CUX1: variants seen among roughly 807,000 people sequenced by gnomAD.
CUX1 encodes the protein protein CASP.
A neutral mutation model predicts 158.8 loss-of-function variants in CUX1; 31 were observed. The ratio of observed to expected loss-of-function variants is 0.20; its 90% confidence interval spans 0.15 to 0.26. CUX1 has a LOEUF of 0.26. CUX1 is among the 10% of genes least tolerant of loss of function. The pLI, the probability that CUX1 is intolerant of heterozygous loss-of-function variation, is 1.00. For synonymous variants in CUX1, 879 were observed against 862.1 expected, an observed-to-expected ratio of 1.02 and a Z score of -0.34; for missense variants, 1,589 against 2,014.6, an observed-to-expected ratio of 0.79 and a Z score of 4.04.
rs543518803 is a variant in CUX1 at position 102,270,530 on chromosome 7, A to G, written c.1256-2836A>G. Among the ~76,000 whole-genome samples, 9 of 152,262 alleles carry G rather than the reference A, an allele frequency of 5.9e-5. No homozygotes were observed. In the South Asian group the frequency reaches 1.9e-3, roughly 32 times the overall value. On this transcript the variant is annotated intron_variant, in intron 14 of 22. Coordinates refer to the CUX1 transcript ENST00000292538. ...CTTCCCTCCAGTCTCACCGTCTGCC[A>G]GCCTCTGCTGCCCTGTCTTACCCAG...
At chr7:102,078,125 A>C (rs782019313) in intron 4 of CUX1, among the ~76,000 whole-genome samples, 2 of 152,060 alleles carry the variant, frequency 1.3e-5, no homozygotes, top group African/African-American at 2.4e-5. Flanking sequence ...CTGTTGCCCA[A>C]CCTGGAGTGC....
chr7:102,081,416 G>A (rs1827392119), intron 4 of CUX1, among the ~76,000 whole-genome samples: 1 of 146,214 alleles, frequency 6.8e-6, no homozygotes, highest in African/African-American at 2.4e-5. Context: ...GTTTCCCCGT[G>A]GCTGTTTTCA....
At chr7:102,132,082 A>T (rs1349194446) in intron 8 of CUX1, among the ~76,000 whole-genome samples, 1 of 151,924 alleles carries the variant, frequency 6.6e-6, no homozygotes, top group African/African-American at 2.4e-5. Flanking sequence ...TTTTTTAAGC[A>T]TGATGCCAAA....
At chr7:102,230,557 C>T (rs1554530325) in intron 21 of CUX1, among the ~76,000 whole-genome samples, 1 of 151,010 alleles carries the variant, frequency 6.6e-6, no homozygotes, top group East Asian at 1.9e-4. Context: ...AGTGATCTAA[C>T]AGCCTGGAGG....
At chr7:101,983,173 G>A (rs1429291951) in intron 2 of CUX1, among the ~76,000 whole-genome samples, 1 of 152,178 alleles carries the variant, frequency 6.6e-6, no homozygotes, top group African/African-American at 2.4e-5. Flanking sequence ...AAAAGAAAAA[G>A]TTCTGCTGGG....
At chr7:102,016,450 A>C (rs1818599253) in intron 2 of CUX1, among the ~76,000 whole-genome samples, 1 of 152,226 alleles carries the variant, frequency 6.6e-6, no homozygotes, top group South Asian at 2.1e-4. Flanking sequence ...TAGCCACTCA[A>C]CAAACATCTG....
intron 20 of CUX1, among the ~76,000 whole-genome samples, chr7:102,216,885 TCACA>T (rs35680063): frequency 0.6 from 89,357 of 149,348 alleles, 26,939 homozygotes; most frequent in East Asian, 0.94. Flanking sequence ...ACACATTATC[TCACA>T]CACACACACA....
intron 2 of CUX1, among the ~76,000 whole-genome samples, chr7:101,988,241 G>C (rs539245364): frequency 5.3e-5 from 8 of 151,590 alleles, no homozygotes; most frequent in South Asian, 4.2e-4. Context: ...GCTGTTCTCC[G>C]TGAGTCAGCC....
intron 2 of CUX1, among the ~76,000 whole-genome samples, chr7:102,008,452 T>A (rs1247490902): frequency 6.6e-6 from 1 of 152,166 alleles, no homozygotes; most frequent in African/African-American, 2.4e-5. Context: ...GCCCCCGTTG[T>A]AGGCTAGCTG....
chr7:102,259,024 G>T (rs147669119), downstream of CUX1, among the ~76,000 whole-genome samples: 767 of 152,298 alleles, frequency 5.0e-3, 4 homozygotes, highest in Non-Finnish European at 7.0e-3. Context: ...ACGTGTGTCT[G>T]GTGGAAGTGG....
At chr7:102,239,094 C>A (rs1217998061) in intron 22 of CUX1, among the ~76,000 whole-genome samples, 1 of 152,126 alleles carries the variant, frequency 6.6e-6, no homozygotes, top group Non-Finnish European at 1.5e-5. Flanking sequence ...ACCATATTGG[C>A]CAGGCTGGTC....
At chr7:101,933,901 T>G (rs184587255) in intron 2 of CUX1, among the ~76,000 whole-genome samples, 5 of 152,338 alleles carry the variant, frequency 3.3e-5, no homozygotes, top group African/African-American at 1.2e-4. Flanking sequence ...AAAAAAAAAG[T>G]TCTTTCTGTT....
chr7:102,047,400 G>A (rs1426542782), intron 3 of CUX1, among the ~76,000 whole-genome samples: 4 of 150,942 alleles, frequency 2.7e-5, no homozygotes, highest in African/African-American at 9.7e-5. Context: ...TGGATGGATA[G>A]ATGATTGGAT....
At position 102,256,873 on chromosome 7, in the gene CUX1, G is replaced by A. The variant is rs571414655; in HGVS notation, c.*7831G>A. On this transcript the variant is annotated 3_prime_UTR_variant, in exon 24 of 24. Coordinates refer to ENST00000292535, the MANE Select transcript of CUX1 (RefSeq NM_181552.4). Reference sequence around the variant, plus strand: ...GATACGTTTTGGTTGGTTTTTTGTTGTTGTTTTTCTTGCGTACAAAGTTGG... The same window carrying A: ...GATACGTTTTGGTTGGTTTTTTGTTATTGTTTTTCTTGCGTACAAAGTTGG... 1.0e-6 allele frequency: 1 copy of A among 985,330 alleles called. No individual in the cohort carries two copies. The highest frequency in any genetic ancestry group is 1.2e-6 in the Non-Finnish European group (1 of 829,966). 61.0% of individuals were successfully genotyped at this position (985,330 alleles called of 1,614,324 possible).
intron 1 of CUX1, among the ~76,000 whole-genome samples, chr7:101,915,005 G>T (rs116631072): frequency 6.6e-6 from 1 of 152,144 alleles, no homozygotes; most frequent in Non-Finnish European, 1.5e-5. Context: ...TCTTGGAGGC[G>T]TGGGGATAAA....
At chr7:101,888,322 C>A (rs999334418) in intron 1 of CUX1, among the ~76,000 whole-genome samples, 2 of 151,802 alleles carry the variant, frequency 1.3e-5, no homozygotes, top group African/African-American at 4.8e-5. Flanking sequence ...CAGAGTGAGG[C>A]TCCGTCTCCA....
chr7:101,897,234 GAC>G (rs766588406), intron 1 of CUX1, among the ~76,000 whole-genome samples: 20 of 152,222 alleles, frequency 1.3e-4, no homozygotes, highest in Admixed American at 6.5e-4. Flanking sequence ...TTTGCTATTA[GAC>G]ATCTTGTGGC....
chr7:102,258,865 G>A (rs547812935), downstream of CUX1, among the ~76,000 whole-genome samples: 421 of 152,286 alleles, frequency 2.8e-3, 3 homozygotes, highest in Non-Finnish European at 3.3e-3. Flanking sequence ...TGGAATGACG[G>A]GGCTACTGAG....
intron 1 of CUX1, among the ~76,000 whole-genome samples, chr7:101,878,313 G>A (rs778928861): frequency 2.0e-5 from 3 of 152,212 alleles, no homozygotes; most frequent in African/African-American, 2.4e-5. Flanking sequence ...GGCAGTGACT[G>A]TCAGTGAGTG....
Sources: gnomAD v4.1 joint callset for allele counts (sites outside exome capture counted in the v4.1 genomes callset) on GRCh38, gnomAD v4.1.1 for gene constraint, MANE v1.5 for transcripts, NCBI Gene and HGNC (gene_info 2026-07-23, HGNC 2026-07-21) for gene names.